INSIG1: variants seen among roughly 807,000 people sequenced by gnomAD.
INSIG1 encodes insulin induced gene 1.
In INSIG1, 14 loss-of-function variants were observed where a neutral mutation model predicts 26.5. The ratio of observed to expected loss-of-function variants is 0.53; its 90% CI spans 0.35 to 0.83. INSIG1 has a LOEUF of 0.83. Ranked by LOEUF, INSIG1 falls within the 40% of genes least tolerant of loss-of-function variation. The pLI, the probability that INSIG1 is intolerant of heterozygous loss-of-function variation, is 0.01. For synonymous variants in INSIG1, 147 were observed against 153.3 expected (o/e 0.96, Z 0.30); for missense variants, 272 against 368.9 (o/e 0.74, Z 2.15).
chr7:155,305,145 C>CAAA (rs34325240), intron 5 of INSIG1, among the ~76,000 whole-genome samples: 6 of 80,126 alleles, frequency 7.5e-5, no homozygotes, highest in African/African-American at 8.9e-5. Context: ...GACTCTGTCT[C>CAAA]AAAAAAAAAA....
intron 5 of INSIG1, among the ~76,000 whole-genome samples, chr7:155,305,670 G>A (rs534428075): frequency 5.9e-5 from 9 of 152,274 alleles, no homozygotes; most frequent in Admixed American, 3.3e-4. Flanking sequence ...GACCAGACCC[G>A]CCCAGATCCA....
rs1797997106 is a variant in INSIG1, at chr7:155,308,473, C to T, written c.*203C>T. The T allele has an allele frequency of 3.0e-6, 2 of 657,536 alleles. No individual in the cohort carries two copies. Among genetic ancestry groups the T allele is most frequent in the Non-Finnish European group, 5.5e-6 (2 of 366,108 alleles). The allele number at this position is 657,536 out of a possible 1,614,324, so 40.7% of individuals were successfully genotyped here. The stretch of plus-strand genomic sequence containing the variant: ...TTACCCTGAAGTCTTCCCTTGACTG[C>T]CCGCACTGGCGCCTGTCTGTGCCCT... On this transcript the variant is annotated 3_prime_UTR_variant, in exon 6 of 6. Transcript: ENST00000340368.
In INSIG1 at chr7:155,298,672, C is replaced by T; in HGVS notation, c.387C>T (p.Val129=). 1 of 1,612,072 alleles carries T rather than the reference C, an allele frequency of 6.2e-7. No homozygotes were observed. Among genetic ancestry groups the T allele is most frequent in the South Asian group, 1.1e-5 (1 of 91,086 alleles). ...IATIFSSAWW[V]PPCCGTAAAV... ...CCATCTTTTCCTCCGCCTGGTGGGT[C>T]CCTCCCTGCTGCGGGACAGCAGCTG... is the stretch of plus-strand genomic sequence containing the variant. The change falls in exon 2 of 6, where the codon GTC becomes GTT. Residue 129 remains valine, a synonymous_variant. Coordinates refer to ENST00000340368, the MANE Select transcript of INSIG1 (RefSeq NM_005542.6).
intron 5 of INSIG1, among the ~76,000 whole-genome samples, chr7:155,304,734 C>T (rs1797888775): frequency 6.6e-6 from 1 of 152,138 alleles, no homozygotes; most frequent in South Asian, 2.1e-4. Flanking sequence ...AAAGATAACT[C>T]AAAATAGGAT....
At chr7:155,307,300 G>C (rs1015771400) in intron 5 of INSIG1, among the ~76,000 whole-genome samples, 1 of 152,194 alleles carries the variant, frequency 6.6e-6, no homozygotes, top group Non-Finnish European at 1.5e-5. Flanking sequence ...GTTCAGATGA[G>C]AGGCTCTTGC....
At position 155,308,432 on chromosome 7, in the gene INSIG1, G is replaced by C; in HGVS notation, c.*162G>C. Reference sequence around the variant, plus strand: ...CTCTTCACCTAGTCTAGAATAGGGAGGTGGAGAATGATGACTTACCCTGAA... The same window carrying C: ...CTCTTCACCTAGTCTAGAATAGGGACGTGGAGAATGATGACTTACCCTGAA... On this transcript the variant is annotated 3_prime_UTR_variant, in exon 6 of 6. Transcript: ENST00000340368. The C allele has an allele frequency of 1.2e-6, 1 of 827,420 alleles. No homozygotes were observed. The highest frequency in any genetic ancestry group is 2.1e-6 in the Non-Finnish European group (1 of 487,598). 51.3% of individuals were successfully genotyped at this position (827,420 alleles called of 1,614,324 possible).
chr7:155,306,364 G>A (rs535152934), intron 5 of INSIG1, among the ~76,000 whole-genome samples: 77 of 152,360 alleles, frequency 5.1e-4, no homozygotes, highest in Admixed American at 1.2e-3. Context: ...AGTTGTTGCT[G>A]TTTGTAGCTT....
Position 155,302,628 on chromosome 7 carries a change from C to A in INSIG1, c.705-119C>A. 1 of 887,364 alleles carries A rather than the reference C, an allele frequency of 1.1e-6. No individual in the cohort carries two copies. Among genetic ancestry groups the A allele is most frequent in the Non-Finnish European group, 1.8e-6 (1 of 559,714 alleles). 55.0% of individuals were successfully genotyped at this position (887,364 alleles called of 1,614,324 possible). On this transcript the variant is annotated intron_variant, in intron 4 of 5. Coordinates refer to ENST00000340368, the MANE Select transcript of INSIG1 (RefSeq NM_005542.6). This position sits in a 1 kb window ranked among gnomAD's most constrained non-coding sequence, Gnocchi z 4.3. ...GCAGTTACAACCAAACAAATATGAA[C>A]ATTCGTAACATTGGATGGTTGATAT...
intron 1 of INSIG1, 54 bp from the exon 2 acceptor site, chr7:155,298,205 G>T (rs903845662): frequency 7.5e-6 from 10 of 1,326,856 alleles, no homozygotes; most frequent in Non-Finnish European, 9.7e-6. Context: ...GTCCCGCGGG[G>T]CCTTCCTCGC....
intron 2 of INSIG1, among the ~76,000 whole-genome samples, chr7:155,298,981 G>T (rs1357213226): frequency 6.6e-6 from 1 of 152,192 alleles, no homozygotes; most frequent in Admixed American, 6.5e-5. Context: ...CAAGCTGACT[G>T]AGGGCCCTTC....
In INSIG1 at chr7:155,301,576, C is replaced by T; in HGVS notation, c.423C>T (p.Gly141=). 6.2e-7 allele frequency: 1 copy of T among 1,605,038 alleles called. No homozygotes were observed. Among genetic ancestry groups the T allele is most frequent in the Non-Finnish European group, 8.5e-7 (1 of 1,174,148 alleles). ...ACTTTTTTAAAACAGCTGTTGTTGG[C>T]CTACTGTACCCCTGTATCGACAGTC... ...PCCGTAAAVV[G]LLYPCIDSHL... is the part of the protein sequence containing the mutation. Residue 141 remains glycine (G), a synonymous_variant, in exon 3 of 6, where the codon GGC becomes GGT. Coordinates refer to ENST00000340368, the MANE Select transcript of INSIG1 (RefSeq NM_005542.6).
At chr7:155,303,974 GCC>G in intron 5 of INSIG1, 2 of 447,106 alleles carry the variant, frequency 4.5e-6, no homozygotes, top group Admixed American at 5.6e-5. Flanking sequence ...GACTTTGCTT[GCC>G]TTTTTTTTTT....
In INSIG1 at chr7:155,298,621, T is replaced by A. The variant is rs149516023; in HGVS notation, c.336T>A (p.Thr112=). Residue 112 remains threonine (T), a synonymous_variant, in exon 2 of 6, where the codon ACT becomes ACA. Transcript: ENST00000340368. ...LNLLQIQRNV[T]LFPEEVIATI... ...TGCTGCAGATCCAGAGGAATGTCAC[T>A]CTCTTCCCCGAGGAGGTGATCGCCA... is the stretch of plus-strand genomic sequence containing the variant. 4.2e-5 allele frequency: 68 copies of A among 1,613,420 alleles called. No homozygotes were observed. In the African/African-American group the frequency reaches 7.7e-4, roughly 18 times the overall value.
chr7:155,309,049 C>G lies in INSIG1; in HGVS notation c.*779C>G, dbSNP rs1057021364. ...TAGTCATCTAAGAATGAATACCTGTCTGCCATGTATTTCAATCTTAGTGAG... is the reference window on the plus strand; with the variant it reads ...TAGTCATCTAAGAATGAATACCTGTGTGCCATGTATTTCAATCTTAGTGAG... On this transcript the variant is annotated 3_prime_UTR_variant, in exon 6 of 6. Coordinates refer to ENST00000340368, the MANE Select transcript of INSIG1 (RefSeq NM_005542.6). 1.3e-5 allele frequency: 2 copies of G among 152,654 alleles called. No individual in the cohort carries two copies. Among genetic ancestry groups the G allele is most frequent in the African/African-American group, 4.8e-5 (2 of 41,470 alleles). 9.5% of individuals were successfully genotyped at this position (152,654 alleles called of 1,614,324 possible). A position where few individuals can be genotyped will look rare whatever the true frequency, so the allele number is the denominator to read the frequency against.
Position 155,301,606 on chromosome 7 carries a change from C to T in INSIG1, c.453C>T (p.Leu151=), listed in dbSNP as rs553573930. 39 of 1,611,096 alleles carry T rather than the reference C, an allele frequency of 2.4e-5. No homozygotes were observed. Among genetic ancestry groups the T allele is most frequent in the Non-Finnish European group, 3.0e-5 (35 of 1,177,840 alleles). The change falls in exon 3 of 6, where the codon CTC becomes CTT. Residue 151 remains leucine (L), a synonymous_variant. Coordinates refer to ENST00000340368, the MANE Select transcript of INSIG1 (RefSeq NM_005542.6). The stretch of plus-strand genomic sequence containing the variant: ...TGTACCCCTGTATCGACAGTCACCT[C>T]GGAGAACCCCACAAATTTAAGAGAG... ...GLLYPCIDSH[L]GEPHKFKREW... is the part of the protein sequence containing the mutation.
At position 155,302,207 on chromosome 7, in the gene INSIG1, T is replaced by C. The variant is rs767727993; in HGVS notation, c.538-44T>C. On this transcript the variant is annotated intron_variant, in intron 3 of 5. Transcript: ENST00000340368. This position sits in a 1 kb window ranked among gnomAD's most constrained non-coding sequence, Gnocchi z 4.3. ...CCTTGTGGTTTTACGTTTTTTTATC[T>C]TAATAAGAGTCAGCAAACTTTTCCT... 1.6e-5 allele frequency: 24 copies of C among 1,486,030 alleles called. No homozygotes were observed. Among genetic ancestry groups the C allele is most frequent in the Non-Finnish European group, 2.2e-5 (24 of 1,110,864 alleles). 92.1% of individuals were successfully genotyped at this position (1,486,030 alleles called of 1,614,324 possible).
chr7:155,301,837 A>G (rs1322807937), intron 3 of INSIG1, 147 bp downstream of exon 3: 2 of 630,512 alleles, frequency 3.2e-6, no homozygotes, highest in African/African-American at 1.9e-5. Context: ...AAAAAGAGAA[A>G]GAAGAATGGG....
rs891575049 is a variant in INSIG1, at chr7:155,309,888, G to C, written c.*1618G>C. ...AAAAAAATTTCCAATGAAGATGTCA[G>C]CATTTTATGAAAAACCAGAAGTTAT... On this transcript the variant is annotated 3_prime_UTR_variant, in exon 6 of 6. Coordinates refer to ENST00000340368, the MANE Select transcript of INSIG1 (RefSeq NM_005542.6). 5 of 152,622 alleles carry C rather than the reference G, an allele frequency of 3.3e-5. No homozygotes were observed. Among genetic ancestry groups the C allele is most frequent in the African/African-American group, 7.2e-5 (3 of 41,448 alleles). 9.5% of individuals were successfully genotyped at this position (152,622 alleles called of 1,614,324 possible). A position where few individuals can be genotyped will look rare whatever the true frequency, so the allele number is the denominator to read the frequency against.
At position 155,301,707 on chromosome 7, in the gene INSIG1, G is replaced by A. The variant is rs772647755; in HGVS notation, c.537+17G>A. The A allele has an allele frequency of 6.5e-7, 1 of 1,542,828 alleles. No homozygotes were observed. Among genetic ancestry groups the A allele is most frequent in the African/African-American group, 1.4e-5 (1 of 73,660 alleles). On this transcript the variant is annotated intron_variant, in intron 3 of 5. Coordinates refer to ENST00000340368, the MANE Select transcript of INSIG1 (RefSeq NM_005542.6). ...GCCAGTGCTGTATCCTTAATTTTCTGTGCTACGTCCAGAGTATCTTCTTAG... is the reference window on the plus strand; with the variant it reads ...GCCAGTGCTGTATCCTTAATTTTCTATGCTACGTCCAGAGTATCTTCTTAG...
Sources: allele counts gnomAD v4.1 joint callset (sites outside exome capture counted in the v4.1 genomes callset), GRCh38; gene constraint gnomAD v4.1.1; non-coding constraint Gnocchi (gnomAD v3.1); transcripts MANE v1.5; gene names NCBI Gene and HGNC (gene_info 2026-07-23, HGNC 2026-07-21).